Variants in SRGAP3 observed in about 807,000 individuals in gnomAD.
The protein encoded by SRGAP3 is SLIT-ROBO Rho GTPase-activating protein 3.
A neutral mutation model predicts 121.1 loss-of-function variants in SRGAP3; 39 were observed. The observed-to-expected ratio is 0.32, with a 90% CI of 0.25 to 0.42. The LOEUF (loss-of-function observed/expected upper bound fraction) is 0.42, where lower values mean the gene tolerates loss of function less well. Among genes scored for constraint, SRGAP3 ranks in the 10% least tolerant of loss-of-function variants. The pLI, the probability that SRGAP3 is intolerant of heterozygous loss-of-function variation, is 1.00. For synonymous variants in SRGAP3, 601 were observed against 570.0 expected (o/e 1.05, Z -0.77); for missense variants, 1,213 against 1,470.6 (o/e 0.82, Z 2.86).
At chr3:9,194,887 T>TC (rs1951871215) in intron 1 of SRGAP3, among the ~76,000 whole-genome samples, 1 of 152,254 alleles carries the variant, frequency 6.6e-6, no homozygotes, top group Non-Finnish European at 1.5e-5. Flanking sequence ...GGGTGGTGGC[T>TC]ACCAGTGGCT....
chr3:9,077,930 T>C (rs1947047981), intron 4 of SRGAP3, among the ~76,000 whole-genome samples: 1 of 152,202 alleles, frequency 6.6e-6, no homozygotes. Flanking sequence ...ATGGAGCCTT[T>C]GGGCCTTTCA....
chr3:9,110,152 G>A (rs1389466207), intron 2 of SRGAP3, among the ~76,000 whole-genome samples: 1 of 152,202 alleles, frequency 6.6e-6, no homozygotes. Context: ...AAATTGACTG[G>A]ACAGGGAGAT....
At chr3:9,067,654 G>T (rs1239469144) in intron 4 of SRGAP3, among the ~76,000 whole-genome samples, 1 of 152,184 alleles carries the variant, frequency 6.6e-6, no homozygotes, top group African/African-American at 2.4e-5. Flanking sequence ...CAGGGGAGGC[G>T]GCGGGAGGGA....
At chr3:9,305,563 T>C (rs1004539695) in intron 3 of SRGAP3, among the ~76,000 whole-genome samples, 3 of 151,700 alleles carry the variant, frequency 2.0e-5, no homozygotes, top group Admixed American at 6.6e-5. Context: ...TCCCCCAGTC[T>C]CCCACCCCCC....
intron 9 of SRGAP3, among the ~76,000 whole-genome samples, chr3:9,050,430 T>G (rs975488263): frequency 6.6e-6 from 1 of 152,234 alleles, no homozygotes; most frequent in African/African-American, 2.4e-5. Flanking sequence ...AGCTCATCTC[T>G]GTCCGCCTCA....
chr3:9,334,832 C>T (rs534207621), intron 1 of SRGAP3, among the ~76,000 whole-genome samples: 1 of 152,296 alleles, frequency 6.6e-6, no homozygotes, highest in South Asian at 2.1e-4. Flanking sequence ...TCCCTTAGCC[C>T]TCTGGTTCTT....
intron 1 of SRGAP3, among the ~76,000 whole-genome samples, chr3:9,338,287 C>G (rs1053388874): frequency 6.6e-6 from 1 of 152,122 alleles, no homozygotes; most frequent in African/African-American, 2.4e-5. Flanking sequence ...TAGTAGAAAC[C>G]TCCACAGTTT....
At chr3:9,211,665 CTTTTTT>C (rs1193329370) in intron 1 of SRGAP3, among the ~76,000 whole-genome samples, 1 of 121,144 alleles carries the variant, frequency 8.3e-6, no homozygotes, top group East Asian at 2.3e-4. Context: ...TCTTTCTTTT[CTTTTTT>C]TTTTTTTTTT....
intron 1 of SRGAP3, among the ~76,000 whole-genome samples, chr3:9,226,550 G>T (rs75811323): frequency 1.3e-5 from 2 of 152,302 alleles, no homozygotes; most frequent in East Asian, 3.9e-4. Flanking sequence ...ACGCAGCCCA[G>T]AATCAGATTA....
intron 4 of SRGAP3, among the ~76,000 whole-genome samples, chr3:9,069,643 G>T (rs960935368): frequency 7.2e-5 from 11 of 152,168 alleles, no homozygotes; most frequent in Admixed American, 5.2e-4. Context: ...TTGAGGAGAT[G>T]GAGGCTCAAA....
rs150103530 is a variant in SRGAP3 at position 8,984,092 on chromosome 3, C to T, written c.*1427G>A. On this transcript the variant is annotated 3_prime_UTR_variant, in exon 22 of 22. Coordinates refer to ENST00000383836, the MANE Select transcript of SRGAP3 (RefSeq NM_014850.4). ...GCGACCCGGAAGGGCTTTACTTGGC[C>T]AAGAGGCAAAGGCCTGGCTGTCACA... 160 of 232,218 alleles carry T rather than the reference C, an allele frequency of 6.9e-4. No individual in the cohort carries two copies. The highest frequency in any genetic ancestry group is 3.3e-3 in the African/African-American group (150 of 45,404). 14.4% of individuals were successfully genotyped at this position (232,218 alleles called of 1,614,324 possible). A position where few individuals can be genotyped will look rare whatever the true frequency, so the allele number is the denominator to read the frequency against.
At chr3:9,327,269 A>G (rs1438286196) in intron 2 of SRGAP3, among the ~76,000 whole-genome samples, 1 of 151,848 alleles carries the variant, frequency 6.6e-6, no homozygotes, top group African/African-American at 2.4e-5. Context: ...TGTGCAATTT[A>G]TGGAAAAAAC....
intron 1 of SRGAP3, among the ~76,000 whole-genome samples, chr3:9,153,372 T>C (rs1950278782): frequency 6.6e-6 from 1 of 152,170 alleles, no homozygotes; most frequent in South Asian, 2.1e-4. Context: ...CAAATACTAT[T>C]ATCTCCATTT....
At chr3:9,324,850 G>A (rs1288581680) in intron 3 of SRGAP3, among the ~76,000 whole-genome samples, 1 of 151,674 alleles carries the variant, frequency 6.6e-6, no homozygotes, top group Non-Finnish European at 1.5e-5. Context: ...CCAGCTACTT[G>A]GGAGGCTGAG....
intron 10 of SRGAP3, among the ~76,000 whole-genome samples, chr3:9,046,178 A>G (rs1945268976): frequency 6.6e-6 from 1 of 151,716 alleles, no homozygotes; most frequent in African/African-American, 2.4e-5. Flanking sequence ...CACTCAAAGC[A>G]GGATATGGAG....
Position 9,303,675 on chromosome 3 carries a change from G to A in SRGAP3, n.442+22335C>T, listed in dbSNP as rs200300193. Among the ~76,000 whole-genome samples, 10 of 152,240 alleles carry A rather than the reference G, an allele frequency of 6.6e-5. No individual in the cohort carries two copies. The East Asian group carries it at 1.7e-3, about 26-fold the overall frequency. On this transcript the variant is annotated intron_variant and non_coding_transcript_variant, in intron 3 of 3. Coordinates refer to the SRGAP3 transcript ENST00000490889. ...AATCTTCAAAATAGCCATGAGGAAG[G>A]TATAGAATGACTGCTCAAGTCACTG...
rs1486712662 is a variant in SRGAP3 at position 9,053,015 on chromosome 3, G to T, written c.1323+12C>A. 4 of 1,613,370 alleles carry T rather than the reference G, an allele frequency of 2.5e-6. No individual in the cohort carries two copies. Among genetic ancestry groups the T allele is most frequent in the Admixed American group, 1.7e-5 (1 of 60,026 alleles). On this transcript the variant is annotated intron_variant, in intron 9 of 21. Coordinates refer to ENST00000383836, the MANE Select transcript of SRGAP3 (RefSeq NM_014850.4). ...GCCGACAGTGTGGTTCTGGGCCCAG[G>T]ATGCCACTTACTGTAAAATAAAACA...
chr3:8,987,030 A>G (rs1243294437), intron 21 of SRGAP3, among the ~76,000 whole-genome samples: 2 of 152,272 alleles, frequency 1.3e-5, no homozygotes, highest in Admixed American at 6.5e-5. Flanking sequence ...TTGAGTAAAA[A>G]GAATCTGTGG....
chr3:9,270,382 C>T (rs1161718948), intron 3 of SRGAP3, among the ~76,000 whole-genome samples: 2 of 152,076 alleles, frequency 1.3e-5, no homozygotes, highest in African/African-American at 2.4e-5. Context: ...TAATCCATGG[C>T]GATAGAAATC....
Sources: gnomAD v4.1 joint callset for allele counts (sites outside exome capture counted in the v4.1 genomes callset) on GRCh38, gnomAD v4.1.1 for gene constraint, MANE v1.5 for transcripts, NCBI Gene and HGNC (gene_info 2026-07-23, HGNC 2026-07-21) for gene names.